Variants in FBXL18 observed in about 807,000 individuals in gnomAD.
FBXL18 encodes F-box/LRR-repeat protein 18.
FBXL18 carries 36 observed loss-of-function variants against 46.0 expected under a neutral mutation model. The observed-to-expected ratio is 0.78, with a 90% confidence interval of 0.60 to 1.03. The LOEUF is 1.03. Among genes scored for constraint, FBXL18 ranks in the 50% least tolerant of loss-of-function variants. The probability of loss-of-function intolerance (pLI) is 0.00; values close to 1 mark genes in which losing one functional copy is unlikely to be tolerated. For synonymous variants in FBXL18, 557 were observed against 465.3 expected, an observed-to-expected ratio of 1.20 and a Z score of -2.54; for missense variants, 977 against 1,004.1, an observed-to-expected ratio of 0.97 and a Z score of 0.36.
chr7:5,501,121 C>T lies in FBXL18; in HGVS notation c.1148G>A (p.Cys383Tyr). ...CGAGAGGTTCAGGTGGCGCAGGTTG[C>T]AGCAGGACGCCACCAGAGTCTCCAG... ...SILETLVASC[C>Y]NLRHLNLSAA... Residue 383 changes from cysteine (C) to tyrosine (Y), a missense_variant, in exon 3 of 5, where the codon TGC becomes TAC. By Grantham distance (194) the Cys-to-Tyr change is radical (BLOSUM62 -2). Transcript: ENST00000382368. 1 of 1,612,780 alleles carries T rather than the reference C, an allele frequency of 6.2e-7. No homozygotes were observed. The highest frequency in any genetic ancestry group is 8.5e-7 in the Non-Finnish European group (1 of 1,179,794).
At chr7:5,467,679 C>T (rs1345884062) in intron 4 of FBXL18, among the ~76,000 whole-genome samples, 1 of 152,182 alleles carries the variant, frequency 6.6e-6, no homozygotes, top group African/African-American at 2.4e-5. Context: ...TGATACACAG[C>T]TCCGCCTCTG....
At chr7:5,505,748 C>T in intron 1 of FBXL18, 118 bp from the exon 2 acceptor site, 1 of 765,328 alleles carries the variant, frequency 1.3e-6, no homozygotes, top group Non-Finnish European at 2.1e-6. Context: ...GGTGTTTTTA[C>T]TAAAACTCTC....
intron 4 of FBXL18, among the ~76,000 whole-genome samples, chr7:5,488,463 G>A (rs1213107132): frequency 6.6e-6 from 1 of 152,138 alleles, no homozygotes; most frequent in Non-Finnish European, 1.5e-5. Flanking sequence ...GACGTTCTCC[G>A]CTGCAGCAAG....
chr7:5,502,068 G>C, intron 2 of FBXL18, 37 bp from the exon 3 acceptor site: 2 of 1,467,064 alleles, frequency 1.4e-6, no homozygotes, highest in Non-Finnish European at 1.8e-6. Context: ...AGGAAGGAAA[G>C]GGCTGAAGGC....
At chr7:5,503,433 G>A (rs531297404) in intron 2 of FBXL18, among the ~76,000 whole-genome samples, 2 of 152,144 alleles carry the variant, frequency 1.3e-5, no homozygotes, top group Non-Finnish European at 2.9e-5. Context: ...GCTTACTGCA[G>A]CCTTGATGTC....
chr7:5,473,760 C>T (rs981906316), downstream of FBXL18, among the ~76,000 whole-genome samples: 1 of 58,136 alleles, frequency 1.7e-5, no homozygotes, highest in Non-Finnish European at 3.6e-5. Context: ...GACTCCATCT[C>T]AAAAAAAAAA....
At chr7:5,459,696 T>C (rs1362267309) in intron 4 of FBXL18, among the ~76,000 whole-genome samples, 1 of 147,448 alleles carries the variant, frequency 6.8e-6, no homozygotes, top group Non-Finnish European at 1.5e-5. Context: ...GCAGAGATTG[T>C]GCCACTGCAC....
intron 3 of FBXL18, among the ~76,000 whole-genome samples, chr7:5,493,190 C>T (rs548063348): frequency 6.6e-6 from 1 of 152,266 alleles, no homozygotes; most frequent in East Asian, 1.9e-4. Flanking sequence ...CAAAAATTAT[C>T]CAGCCATGGT....
At chr7:5,473,202 G>A (rs1054106093), downstream of FBXL18, among the ~76,000 whole-genome samples, 2 of 152,070 alleles carry the variant, frequency 1.3e-5, no homozygotes, top group South Asian at 2.1e-4. Context: ...GCCCTATGTC[G>A]CCATTTCTGC....
intron 4 of FBXL18, among the ~76,000 whole-genome samples, chr7:5,467,740 C>T (rs1251898395): frequency 3.3e-5 from 5 of 152,076 alleles, no homozygotes; most frequent in African/African-American, 7.2e-5. Flanking sequence ...CCGCTCCAGC[C>T]GTTTCACTAA....
chr7:5,469,477 A>G (rs948378764), intron 4 of FBXL18, among the ~76,000 whole-genome samples: 1 of 152,076 alleles, frequency 6.6e-6, no homozygotes, highest in African/African-American at 2.4e-5. Context: ...GAACACGGGC[A>G]TGTGTGTGTA....
intron 2 of FBXL18, among the ~76,000 whole-genome samples, chr7:5,504,436 C>T (rs1428078897): frequency 6.8e-6 from 1 of 147,100 alleles, no homozygotes; most frequent in African/African-American, 2.5e-5. Context: ...TCCTAAGTAG[C>T]TGGGATTACA....
At position 5,501,758 on chromosome 7, in the gene FBXL18, T is replaced by A. The variant is rs757970840; in HGVS notation, c.511A>T (p.Ser171Cys). The change falls in exon 3 of 5, where the codon AGC becomes TGC. Residue 171 changes from serine to cysteine, a missense_variant. Ser to Cys is a moderately radical substitution (Grantham distance 112). Transcript: ENST00000382368. ...GTCTGCTTGAGCTCCCGCACGCGGC[T>A]CAGGGTGGCCTTGCACTCGCTGCTC... ...QLSSECKATL[S>C]RVRELKQTLF... 1 of 1,559,162 alleles carries A rather than the reference T, an allele frequency of 6.4e-7. No individual in the cohort carries two copies. The highest frequency in any genetic ancestry group is 8.7e-7 in the Non-Finnish European group (1 of 1,151,124).
intron 4 of FBXL18, among the ~76,000 whole-genome samples, chr7:5,468,490 C>T (rs1783380029): frequency 6.6e-6 from 1 of 152,214 alleles, no homozygotes. Flanking sequence ...GATGCACTGC[C>T]AGGCGGGTGA....
intron 4 of FBXL18, among the ~76,000 whole-genome samples, chr7:5,487,202 C>T (rs1281758869): frequency 2.0e-5 from 3 of 152,242 alleles, no homozygotes; most frequent in African/African-American, 7.2e-5. Context: ...CTGGGACCTG[C>T]GGCTCGGGCC....
chr7:5,468,371 C>T (rs1562674775), intron 4 of FBXL18, among the ~76,000 whole-genome samples: 1 of 152,188 alleles, frequency 6.6e-6, no homozygotes, highest in Non-Finnish European at 1.5e-5. Context: ...CCCGCCTTGG[C>T]CTCCCAAAGT....
chr7:5,501,810 C>T lies in FBXL18; in HGVS notation c.459G>A (p.Val153=). Reference sequence around the variant, plus strand: ...GCTGGCTGGCGTCGAAGCCGGGGCTCACGTCGATGGCCAGCGAGCGCAGGT... The same window carrying T: ...GCTGGCTGGCGTCGAAGCCGGGGCTTACGTCGATGGCCAGCGAGCGCAGGT... ...LQHLRSLAID[V]SPGFDASQLS... Residue 153 remains valine, a synonymous_variant, in exon 3 of 5, where the codon GTG becomes GTA. Transcript: ENST00000382368. The T allele has an allele frequency of 1.3e-6, 2 of 1,578,564 alleles. No individual in the cohort carries two copies. The highest frequency in any genetic ancestry group is 2.3e-5 in the South Asian group (2 of 86,364).
chr7:5,485,768 G>A (rs1164872034), intron 4 of FBXL18, among the ~76,000 whole-genome samples: 4 of 152,108 alleles, frequency 2.6e-5, no homozygotes, highest in Non-Finnish European at 5.9e-5. Context: ...TTAGCCGGGT[G>A]TGGCCGGGCG....
At chr7:5,504,994 A>C (rs575782001) in intron 2 of FBXL18, among the ~76,000 whole-genome samples, 1 of 150,282 alleles carries the variant, frequency 6.7e-6, no homozygotes, top group East Asian at 2.0e-4. Flanking sequence ...AGTGTTGACA[A>C]GGCTGCAGAG....
Sources: allele counts gnomAD v4.1 joint callset (sites outside exome capture counted in the v4.1 genomes callset), GRCh38; gene constraint gnomAD v4.1.1; transcripts MANE v1.5; gene names NCBI Gene and HGNC (gene_info 2026-07-23, HGNC 2026-07-21).